Variants in SNAP29 observed in about 807,000 individuals in gnomAD.
The protein encoded by SNAP29 is synaptosome associated protein 29.
In SNAP29, 13 loss-of-function variants were observed where a neutral mutation model predicts 27.9. That is an observed-to-expected ratio of 0.47 (90% CI 0.30 to 0.74). SNAP29 has a LOEUF of 0.74. Ranked by LOEUF, SNAP29 falls within the 30% of genes least tolerant of loss-of-function variation. The pLI, the probability that SNAP29 is intolerant of heterozygous loss-of-function variation, is 0.06. For missense variants in SNAP29, 368 were observed against 336.5 expected (o/e 1.09, Z -0.73); for synonymous variants, 119 against 127.1 (o/e 0.94, Z 0.43).
intron 2 of SNAP29, among the ~76,000 whole-genome samples, chr22:20,874,612 G>A (rs563211336): frequency 6.6e-6 from 1 of 151,056 alleles, no homozygotes; most frequent in South Asian, 2.1e-4. Flanking sequence ...GGAGGGACCT[G>A]CAGAGTTGGC....
At chr22:20,863,254 C>G (rs370419044) in intron 1 of SNAP29, among the ~76,000 whole-genome samples, 137 of 152,302 alleles carry the variant, frequency 9.0e-4, no homozygotes, top group African/African-American at 3.0e-3. Context: ...TTCCAACCCT[C>G]AGTGCACAGT....
chr22:20,874,307 G>GACACACACAGAC (rs1370492309), intron 2 of SNAP29, among the ~76,000 whole-genome samples: 1 of 117,642 alleles, frequency 8.5e-6, no homozygotes, highest in Non-Finnish European at 1.7e-5. Context: ...GACACACACA[G>GACACACACAGAC]ACACACACAG....
At chr22:20,872,093 A>G (rs1014432064) in intron 2 of SNAP29, among the ~76,000 whole-genome samples, 8 of 152,222 alleles carry the variant, frequency 5.3e-5, no homozygotes, top group Admixed American at 2.0e-4. Context: ...CCCCTTATTC[A>G]GTATTTTCAT....
intron 1 of SNAP29, among the ~76,000 whole-genome samples, chr22:20,869,470 AC>A (rs1180231936): frequency 1.3e-5 from 2 of 152,184 alleles, no homozygotes; most frequent in African/African-American, 4.8e-5. Flanking sequence ...GGACAGGGTC[AC>A]CCGTGTTAAC....
chr22:20,866,137 C>T (rs1323217953), intron 1 of SNAP29, among the ~76,000 whole-genome samples: 1 of 152,212 alleles, frequency 6.6e-6, no homozygotes, highest in Non-Finnish European at 1.5e-5. Context: ...ATGGACAACC[C>T]AGAGCTGCTG....
intron 1 of SNAP29, among the ~76,000 whole-genome samples, chr22:20,867,338 G>A (rs994524769): frequency 6.6e-6 from 1 of 151,986 alleles, no homozygotes; most frequent in Non-Finnish European, 1.5e-5. Flanking sequence ...TCTGCGGAGG[G>A]GGGTGTGGAC....
intron 1 of SNAP29, among the ~76,000 whole-genome samples, chr22:20,862,945 G>A (rs560328206): frequency 4.6e-5 from 7 of 152,096 alleles, no homozygotes; most frequent in Non-Finnish European, 8.8e-5. Context: ...CTAGAGTGCC[G>A]TGGTGCAATC....
chr22:20,884,741 C>A (rs1928973351), intron 4 of SNAP29, among the ~76,000 whole-genome samples: 1 of 151,910 alleles, frequency 6.6e-6, no homozygotes, highest in Non-Finnish European at 1.5e-5. Flanking sequence ...GTATCTGGGG[C>A]CCAGCAGGCA....
At position 20,889,606 on chromosome 22, in the gene SNAP29, G is replaced by A. The variant is rs1929102711; in HGVS notation, c.*1770G>A. On this transcript the variant is annotated 3_prime_UTR_variant, in exon 5 of 5. Coordinates refer to ENST00000215730, the MANE Select transcript of SNAP29 (RefSeq NM_004782.4). ...ACTTCGTGAGGCTTTCAGCAAAAAG[G>A]CTGCTTAAAAGCATGAACCCGGGAT... The A allele has an allele frequency of 6.6e-6, 1 of 152,164 alleles. No individual in the cohort carries two copies. The highest frequency in any genetic ancestry group is 1.9e-4 in the East Asian group (1 of 5,196). The allele number at this position is 152,164 out of a possible 1,614,324, so 9.4% of individuals were successfully genotyped here.
Position 20,887,741 on chromosome 22 carries a change from G to C in SNAP29, c.682G>C (p.Glu228Gln). 1 of 1,614,208 alleles carries C rather than the reference G, an allele frequency of 6.2e-7. No homozygotes were observed. Among genetic ancestry groups the C allele is most frequent in the Non-Finnish European group, 8.5e-7 (1 of 1,180,028 alleles). Residue 228 changes from glutamate (E) to glutamine (Q), a missense_variant, in exon 5 of 5, where the codon GAG becomes CAG. Glu to Gln is a conservative substitution (Grantham distance 29). Transcript: ENST00000215730. ...DIALGMQTEI[E>Q]EQDDILDRLT... ...AGCCCTGGGGATGCAGACAGAAATT[G>C]AGGAGCAAGATGACATTCTTGACCG...
At chr22:20,880,817 C>T (rs1928873580) in intron 2 of SNAP29, among the ~76,000 whole-genome samples, 1 of 152,090 alleles carries the variant, frequency 6.6e-6, no homozygotes, top group African/African-American at 2.4e-5. Flanking sequence ...CATGAGTCAC[C>T]ACACCTGGCT....
intron 1 of SNAP29, among the ~76,000 whole-genome samples, chr22:20,860,285 A>T (rs2147857172): frequency 6.6e-6 from 1 of 150,392 alleles, no homozygotes; most frequent in Non-Finnish European, 1.5e-5. Flanking sequence ...TGTACCCGGG[A>T]GGCAGAGGTT....
Position 20,865,430 on chromosome 22 carries a change from G to A in SNAP29, c.238-4907G>A, listed in dbSNP as rs193171306. ...TTGGCTGTAACAGGATGCCTTCTGA[G>A]GATGGGCTGGTTGTTCGAGCTTCTG... On this transcript the variant is annotated intron_variant, in intron 1 of 4. Coordinates refer to ENST00000215730, the MANE Select transcript of SNAP29 (RefSeq NM_004782.4). Among the ~76,000 whole-genome samples, 547 of 152,176 alleles carry A rather than the reference G, an allele frequency of 3.6e-3. 3 individuals are homozygous for A. Among genetic ancestry groups the A allele is most frequent in the Middle Eastern group, 6.8e-3 (2 of 292 alleles).
In SNAP29 at chr22:20,888,779, C is replaced by T. The variant is rs959061372; in HGVS notation, c.*943C>T. 6 of 152,186 alleles carry T rather than the reference C, an allele frequency of 3.9e-5. No homozygotes were observed. Among genetic ancestry groups the T allele is most frequent in the South Asian group, 2.1e-4 (1 of 4,838 alleles). The allele number at this position is 152,186 out of a possible 1,614,324, so 9.4% of individuals were successfully genotyped here. A position where few individuals can be genotyped will look rare whatever the true frequency, so the allele number is the denominator to read the frequency against. On this transcript the variant is annotated 3_prime_UTR_variant, in exon 5 of 5. Coordinates refer to ENST00000215730, the MANE Select transcript of SNAP29 (RefSeq NM_004782.4). ...GTAGGGCAAAATGTTTATTTGGTACCGGGGGTCTCCTGACCTGTCTAGCAT... is the reference window on the plus strand; with the variant it reads ...GTAGGGCAAAATGTTTATTTGGTACTGGGGGTCTCCTGACCTGTCTAGCAT...
chr22:20,868,573 T>A (rs754386901), intron 1 of SNAP29, among the ~76,000 whole-genome samples: 13 of 151,930 alleles, frequency 8.6e-5, no homozygotes, highest in Non-Finnish European at 1.8e-4. Context: ...ATGTTTAAAA[T>A]TTTTTTTGAC....
intron 2 of SNAP29, among the ~76,000 whole-genome samples, chr22:20,875,950 AG>A (rs1928732138): frequency 6.6e-6 from 1 of 152,126 alleles, no homozygotes; most frequent in Admixed American, 6.5e-5. Flanking sequence ...TCACGAGGTC[AG>A]GAGATCGAGA....
chr22:20,873,997 C>T (rs1396540776), intron 2 of SNAP29, among the ~76,000 whole-genome samples: 5 of 123,930 alleles, frequency 4.0e-5, no homozygotes, highest in East Asian at 2.5e-4. Flanking sequence ...AAAAAAAGGC[C>T]GGGCATGGTG....
At chr22:20,865,142 C>G (rs184918082) in intron 1 of SNAP29, among the ~76,000 whole-genome samples, 2 of 152,096 alleles carry the variant, frequency 1.3e-5, no homozygotes, top group Non-Finnish European at 2.9e-5. Context: ...ATCCCTTGAA[C>G]CCAGGAGTTC....
In SNAP29 at chr22:20,859,181, C is replaced by T. The variant is rs1268251164; in HGVS notation, c.71C>T (p.Pro24Leu). 1.9e-6 allele frequency: 3 copies of T among 1,603,990 alleles called. No homozygotes were observed. The highest frequency in any genetic ancestry group is 3.4e-5 in the Admixed American group (2 of 58,004). The change falls in exon 1 of 5, where the codon CCT becomes CTT. Residue 24 changes from proline to leucine, a missense_variant. Transcript: ENST00000215730. ...DGEDEGARPA[P>L]WRDARDLPDG... The stretch of plus-strand genomic sequence containing the variant: ...GAGGACGAAGGCGCCCGGCCGGCCC[C>T]TTGGAGGGACGCCCGAGACCTCCCC...
Sources: allele counts gnomAD v4.1 joint callset (sites outside exome capture counted in the v4.1 genomes callset), GRCh38; gene constraint gnomAD v4.1.1; transcripts MANE v1.5; gene names NCBI Gene and HGNC (gene_info 2026-07-23, HGNC 2026-07-21).